The following SYNE1 variants were observed in gnomAD, a reference collection of about 807,000 sequenced individuals.
The protein encoded by SYNE1 is spectrin repeat containing nuclear envelope protein 1.
SYNE1 carries 616 observed loss-of-function variants against 1,111.0 expected under a neutral mutation model. The observed-to-expected ratio is 0.55, with a 90% CI of 0.52 to 0.59. The LOEUF (loss-of-function observed/expected upper bound fraction) is 0.59. Among genes scored for constraint, SYNE1 ranks in the 20% least tolerant of loss-of-function variants. The pLI is 0.00. For synonymous variants in SYNE1, 3,855 were observed against 3,825.8 expected, an observed-to-expected ratio of 1.01 and a Z score of -0.28; for missense variants, 10,006 against 10,417.0, an observed-to-expected ratio of 0.96 and a Z score of 1.72.
At chr6:152,473,210 T>A (rs147237373) in intron 14 of SYNE1, among the ~76,000 whole-genome samples, 2 of 152,354 alleles carry the variant, frequency 1.3e-5, no homozygotes, top group African/African-American at 2.4e-5. Flanking sequence ...CATGCCTTAA[T>A]TTCTAGAGCT....
At position 152,331,698 on chromosome 6, in the gene SYNE1, C is replaced by T. The variant is rs140361556; in HGVS notation, c.12987G>A (p.Glu4329=). ...CTTGGATTTTCCTTTTAATGAGGTC[C>T]TCAAGCTGAAACCAACGTTGCTCTA... ...SHLEQRWFQL[E]DLIKRKIQVS... Residue 4329 remains glutamate (E), a synonymous_variant, in exon 78 of 146, where the codon GAG becomes GAA. Transcript: ENST00000367255. The T allele has an allele frequency of 6.2e-6, 10 of 1,614,090 alleles. No homozygotes were observed. In the African/African-American group the frequency reaches 6.7e-5, roughly 11 times the overall value.
rs759075005 is a variant in SYNE1, at chr6:152,330,888, A to G, written c.13797T>C (p.His4599=). The G allele has an allele frequency of 6.2e-7, 1 of 1,614,098 alleles. No individual in the cohort carries two copies. Among genetic ancestry groups the G allele is most frequent in the Non-Finnish European group, 8.5e-7 (1 of 1,179,942 alleles). The change falls in exon 78 of 146, where the codon CAT becomes CAC. Residue 4599 remains histidine (H), a synonymous_variant. Coordinates refer to ENST00000367255, the MANE Select transcript of SYNE1 (RefSeq NM_182961.4). The part of the protein sequence containing the change: ...INLMNESSEL[H]TQLAKYQNIL... ...TGTTTTGGTATTTAGCCAGTTGTGTATGAAGCTCAGAACTCTCATTCATTA... is the reference window on the plus strand; with the variant it reads ...TGTTTTGGTATTTAGCCAGTTGTGTGTGAAGCTCAGAACTCTCATTCATTA...
At chr6:152,609,180 C>G (rs933531386) in intron 3 of SYNE1, among the ~76,000 whole-genome samples, 3 of 152,000 alleles carry the variant, frequency 2.0e-5, no homozygotes, top group Non-Finnish European at 4.4e-5. Flanking sequence ...CGCCTCACCT[C>G]GGAAGTGCAA....
chr6:152,242,091 T>C (rs2085854550), intron 107 of SYNE1, 149 bp downstream of exon 107: 2 of 743,564 alleles, frequency 2.7e-6, no homozygotes, highest in South Asian at 3.1e-5. Context: ...GGTTTGAATA[T>C]AAATTTTTTG....
intron 128 of SYNE1, 30 bp downstream of exon 128, chr6:152,189,222 A>G (rs774021202): frequency 1.9e-6 from 3 of 1,611,988 alleles, no homozygotes; most frequent in African/African-American, 1.3e-5. Flanking sequence ...TCCATCATCA[A>G]GATAATTCCA....
At chr6:152,281,731 T>C (rs1209430907) in intron 97 of SYNE1, 76 bp downstream of exon 97, 2 of 1,526,538 alleles carry the variant, frequency 1.3e-6, no homozygotes, top group East Asian at 4.5e-5. Flanking sequence ...ACCAAGCCTT[T>C]TTATAGTATG....
intron 5 of SYNE1, 137 bp downstream of exon 5, chr6:152,525,943 T>C: frequency 1.3e-6 from 1 of 754,724 alleles, no homozygotes; most frequent in Non-Finnish European, 2.3e-6. Context: ...GTGCCAGCAG[T>C]GTTTCCAGTA....
chr6:152,348,749 T>G (rs1256277140), intron 72 of SYNE1, among the ~76,000 whole-genome samples: 1 of 99,874 alleles, frequency 1.0e-5, no homozygotes, highest in Non-Finnish European at 2.3e-5. Flanking sequence ...TTCTAGTGTT[T>G]TTTTTTTTTC....
rs114160341 is a variant in SYNE1, at chr6:152,150,912, C to T, written c.24450+641G>A. The stretch of plus-strand genomic sequence containing the variant: ...CTACAAACACATTAGAAAAAATAAA[C>T]GAAAACAACAACAACAAGGCCAGGA... On this transcript the variant is annotated intron_variant, in intron 135 of 145. Transcript: ENST00000367255. Among the ~76,000 whole-genome samples the T allele has an allele frequency of 9.8e-3, 1,497 of 152,086 alleles. 17 individuals are homozygous for T. Among genetic ancestry groups the T allele is most frequent in the African/African-American group, 0.033 (1,350 of 41,476 alleles).
chr6:152,491,426 C>A (rs1413654824), intron 11 of SYNE1, among the ~76,000 whole-genome samples: 1 of 152,150 alleles, frequency 6.6e-6, no homozygotes, highest in Non-Finnish European at 1.5e-5. Context: ...AAACTTACCT[C>A]CTTCACTATG....
chr6:152,278,411 T>G (rs2093790248), intron 97 of SYNE1, 131 bp from the exon 98 acceptor site: 1 of 1,036,782 alleles, frequency 9.6e-7, no homozygotes, highest in Non-Finnish European at 1.5e-6. Context: ...TTTGTAGTTT[T>G]CCCACGGCCT....
intron 63 of SYNE1, among the ~76,000 whole-genome samples, chr6:152,363,344 AT>A (rs2096975313): frequency 6.7e-6 from 1 of 148,536 alleles, no homozygotes; most frequent in South Asian, 2.1e-4. Flanking sequence ...AATACAAAAA[AT>A]TAGCCGGGCA....
chr6:152,359,140 C>A (rs1252622687), intron 65 of SYNE1, among the ~76,000 whole-genome samples, 175 bp downstream of exon 65: 1 of 152,140 alleles, frequency 6.6e-6, no homozygotes, highest in Non-Finnish European at 1.5e-5. Flanking sequence ...ATAATACTAA[C>A]AATATTTGAA....
intron 5 of SYNE1, among the ~76,000 whole-genome samples, chr6:152,521,565 A>T (rs1305771541): frequency 6.6e-6 from 1 of 152,186 alleles, no homozygotes; most frequent in Non-Finnish European, 1.5e-5. Context: ...TGTAAAATGT[A>T]TATGTACTCT....
At chr6:152,409,388 A>G in intron 43 of SYNE1, 162 bp from the exon 44 acceptor site, 1 of 1,106,498 alleles carries the variant, frequency 9.0e-7, no homozygotes, top group East Asian at 2.6e-5. Context: ...ATTTTCTTGA[A>G]TTGCTAGAAT....
chr6:152,526,898 T>C (rs937313451), intron 4 of SYNE1, among the ~76,000 whole-genome samples: 2 of 152,228 alleles, frequency 1.3e-5, no homozygotes, highest in Non-Finnish European at 2.9e-5. Context: ...ATCTTTTATT[T>C]TTTTATGAAG....
Position 152,416,707 on chromosome 6 carries a change from A to G in SYNE1, c.5730T>C (p.Asn1910=), listed in dbSNP as rs1311447431. The stretch of plus-strand genomic sequence containing the variant: ...ATGCTTTAGCATTTTGAAGAGCATC[A>G]TTGAGGTCCTTTTCTATCAAATCAG... ...NESDLIEKDL[N]DALQNAKALE... The change falls in exon 41 of 146, where the codon AAT becomes AAC. Residue 1910 remains asparagine, a synonymous_variant. Coordinates refer to ENST00000367255, the MANE Select transcript of SYNE1 (RefSeq NM_182961.4). The G allele has an allele frequency of 3.1e-6, 5 of 1,614,114 alleles. No individual in the cohort carries two copies. Among genetic ancestry groups the G allele is most frequent in the Non-Finnish European group, 4.2e-6 (5 of 1,180,050 alleles).
chr6:152,136,413 T>C (rs2057087084), intron 141 of SYNE1, among the ~76,000 whole-genome samples: 1 of 152,214 alleles, frequency 6.6e-6, no homozygotes, highest in South Asian at 2.1e-4. Flanking sequence ...GGACAGAAGA[T>C]AGGACCTAGA....
intron 2 of SYNE1, among the ~76,000 whole-genome samples, chr6:152,634,793 C>G (rs536200787): frequency 6.6e-6 from 1 of 152,222 alleles, no homozygotes; most frequent in African/African-American, 2.4e-5. Context: ...ACATCTGCAA[C>G]CTTCTTTTTT....
Sources: gnomAD v4.1 joint callset for allele counts (sites outside exome capture counted in the v4.1 genomes callset) on GRCh38, gnomAD v4.1.1 for gene constraint, MANE v1.5 for transcripts, NCBI Gene and HGNC (gene_info 2026-07-23, HGNC 2026-07-21) for gene names.